The following CIAO3 variants were observed in gnomAD, a reference collection of about 807,000 sequenced individuals.
The protein encoded by CIAO3 is LET1 like/JFP15.
In CIAO3, 45 loss-of-function variants were observed where a neutral mutation model predicts 51.5. The observed-to-expected ratio is 0.87, with a 90% CI of 0.69 to 1.12. CIAO3 has a LOEUF of 1.12. CIAO3 is among the 50% of genes most tolerant of loss of function. The pLI, the probability that CIAO3 is intolerant of heterozygous loss-of-function variation, is 0.00. For missense variants in CIAO3, 668 were observed against 632.5 expected, an observed-to-expected ratio of 1.06 and a Z score of -0.60; for synonymous variants, 314 against 269.3, an observed-to-expected ratio of 1.17 and a Z score of -1.63.
chr16:729,771 A>G lies in CIAO3; in HGVS notation c.*646T>C. 7.6e-7 allele frequency: 1 copy of G among 1,313,474 alleles called. No homozygotes were observed. Among genetic ancestry groups the G allele is most frequent in the Non-Finnish European group, 9.9e-7 (1 of 1,006,090 alleles). The allele number at this position is 1,313,474 out of a possible 1,614,324, so 81.4% of individuals were successfully genotyped here. ...GGAGCTGTTTTCGTAGGCGTGTTTT[A>G]GGAGGGGTGCGTTTATTAGACAAAC... On this transcript the variant is annotated 3_prime_UTR_variant, in exon 11 of 11. Transcript: ENST00000251588.
chr16:731,918 G>A (rs563391899), intron 8 of CIAO3: 53 of 632,162 alleles, frequency 8.4e-5, no homozygotes, highest in African/African-American at 8.3e-4. Flanking sequence ...GCCCAGGCTG[G>A]AGTGCAGTGG....
At position 736,527 on chromosome 16, in the gene CIAO3, T is replaced by A; in HGVS notation, c.307-129A>T. The A allele has an allele frequency of 3.3e-6, 4 of 1,209,106 alleles. No individual in the cohort carries two copies. The South Asian group carries it at 4.5e-5, about 14-fold the overall frequency. 74.9% of individuals were successfully genotyped at this position (1,209,106 alleles called of 1,614,324 possible). ...CAGCTCCATCAAGAGTCTTTTTTTTTTTTTTAACACAGAGTCTCACTCTGT... is the reference window on the plus strand; with the variant it reads ...CAGCTCCATCAAGAGTCTTTTTTTTATTTTTAACACAGAGTCTCACTCTGT... On this transcript the variant is annotated intron_variant, in intron 3 of 10. Transcript: ENST00000251588.
In CIAO3 at chr16:737,656, C is replaced by A; in HGVS notation, c.163-327G>T. On this transcript the variant is annotated intron_variant, in intron 2 of 10. Transcript: ENST00000251588. The surrounding 1 kb of genome is among the most constrained non-coding windows in gnomAD (Gnocchi z 5.3). Reference sequence around the variant, plus strand: ...GACGGGGTGCTGGCCCCGGTGCACACTCACAGGGCTGTAGGGCAGGAAAAT... The same window carrying A: ...GACGGGGTGCTGGCCCCGGTGCACAATCACAGGGCTGTAGGGCAGGAAAAT... 1 of 1,338,818 alleles carries A rather than the reference C, an allele frequency of 7.5e-7. No homozygotes were observed. Among genetic ancestry groups the A allele is most frequent in the Non-Finnish European group, 9.8e-7 (1 of 1,021,890 alleles). The allele number at this position is 1,338,818 out of a possible 1,614,324, so 82.9% of individuals were successfully genotyped here.
chr16:729,829 G>T lies in CIAO3; in HGVS notation c.*588C>A. 2 of 767,228 alleles carry T rather than the reference G, an allele frequency of 2.6e-6. No individual in the cohort carries two copies. The highest frequency in any genetic ancestry group is 3.7e-6 in the Non-Finnish European group (2 of 542,208). 47.5% of individuals were successfully genotyped at this position (767,228 alleles called of 1,614,324 possible). A position where few individuals can be genotyped will look rare whatever the true frequency, so the allele number is the denominator to read the frequency against. ...GACAGGCCTGGTGGGGACCTGGCTG[G>T]GGGATGATGCAGCCCGCGATGGCTG... On this transcript the variant is annotated 3_prime_UTR_variant, in exon 11 of 11. Coordinates refer to ENST00000251588, the MANE Select transcript of CIAO3 (RefSeq NM_022493.3).
Position 737,214 on chromosome 16 carries a change from T to C in CIAO3, c.278A>G (p.Glu93Gly). 1.9e-6 allele frequency: 3 copies of C among 1,613,746 alleles called. No homozygotes were observed. Among genetic ancestry groups the C allele is most frequent in the Non-Finnish European group, 8.5e-7 (1 of 1,180,014 alleles). The change falls in exon 3 of 11, where the codon GAG becomes GGG. Residue 93 changes from glutamate to glycine, a missense_variant. By Grantham distance (98) the Glu-to-Gly change is moderately conservative (BLOSUM62 -2). Transcript: ENST00000251588. This position sits in a 1 kb window ranked among gnomAD's most constrained non-coding sequence, Gnocchi z 5.3. Reference protein sequence around the residue: ...TVLITQQSHEELKKVLDANKM... With the variant: ...TVLITQQSHEGLKKVLDANKM... ...GTTAGCATCTAGAACCTTCTTCAGC[T>C]CCTCGTGGCTCTGCTGGGTGATAAG... is the stretch of plus-strand genomic sequence containing the variant.
intron 2 of CIAO3, chr16:738,022 T>C (rs1382276859): frequency 1.8e-6 from 2 of 1,121,888 alleles, no homozygotes; most frequent in Non-Finnish European, 2.2e-6. Context: ...GTGGGAACTG[T>C]GTGGGAACCC....
rs1028756718 is a variant in CIAO3, at chr16:730,963, C to G, written c.1072G>C (p.Gly358Arg). ...ATTGCGAAGTGCAGCAGCACCTGGCCCTCCTTCTCCAGTGTCACCTCCTGG... is the reference window on the plus strand; with the variant it reads ...ATTGCGAAGTGCAGCAGCACCTGGCGCTCCTTCTCCAGTGTCACCTCCTGG... Reference protein sequence around the residue: ...DFQEVTLEKEGQVLLHFAMAY... With the variant: ...DFQEVTLEKERQVLLHFAMAY... Residue 358 changes from glycine to arginine, a missense_variant, in exon 10 of 11, where the codon GGC becomes CGC. Gly to Arg is a moderately radical substitution (Grantham distance 125). Coordinates refer to ENST00000251588, the MANE Select transcript of CIAO3 (RefSeq NM_022493.3). 1.2e-6 allele frequency: 2 copies of G among 1,612,868 alleles called. No individual in the cohort carries two copies. The highest frequency in any genetic ancestry group is 1.7e-6 in the Non-Finnish European group (2 of 1,179,996).
At chr16:734,480 C>G in intron 5 of CIAO3, 133 bp from the exon 6 acceptor site, 2 of 834,664 alleles carry the variant, frequency 2.4e-6, no homozygotes, top group Non-Finnish European at 1.9e-6. Context: ...GTGCTCATTC[C>G]TGTTCTCCCC....
chr16:737,085 C>T lies in CIAO3; in HGVS notation c.306+101G>A, dbSNP rs1056776950. The T allele has an allele frequency of 1.3e-5, 20 of 1,516,678 alleles. No homozygotes were observed. Among genetic ancestry groups the T allele is most frequent in the South Asian group, 1.2e-5 (1 of 86,324 alleles). The allele number at this position is 1,516,678 out of a possible 1,614,324, so 94.0% of individuals were successfully genotyped here. Reference sequence around the variant, plus strand: ...AAAAAGGCAGGCGCCACCCGCACGACGGACGTCGGCACCACACGAGCTGCC... The same window carrying T: ...AAAAAGGCAGGCGCCACCCGCACGATGGACGTCGGCACCACACGAGCTGCC... On this transcript the variant is annotated intron_variant, in intron 3 of 10. Coordinates refer to ENST00000251588, the MANE Select transcript of CIAO3 (RefSeq NM_022493.3). This position sits in a 1 kb window ranked among gnomAD's most constrained non-coding sequence, Gnocchi z 5.3.
chr16:738,347 T>TCC, intron 2 of CIAO3: 1 of 963,050 alleles, frequency 1.0e-6, no homozygotes, highest in Non-Finnish European at 1.2e-6. Context: ...TTTTAATAGT[T>TCC]TCTTTTTTTT....
Position 737,551 on chromosome 16 carries a change from T to G in CIAO3, c.163-222A>C, listed in dbSNP as rs1027364937. 2.7e-6 allele frequency: 4 copies of G among 1,499,016 alleles called. No individual in the cohort carries two copies. The African/African-American group carries it at 5.5e-5, about 21-fold the overall frequency. 92.9% of individuals were successfully genotyped at this position (1,499,016 alleles called of 1,614,324 possible). A position where few individuals can be genotyped will look rare whatever the true frequency, so the allele number is the denominator to read the frequency against. ...CTGCTTCTTGGTACCACTTGGTTAG[T>G]GCATCCGAATCACAGGACTAAGGCT... is the stretch of plus-strand genomic sequence containing the variant. On this transcript the variant is annotated intron_variant, in intron 2 of 10. Transcript: ENST00000251588. The surrounding 1 kb of genome is among the most constrained non-coding windows in gnomAD (Gnocchi z 5.3).
chr16:740,992 C>T lies in CIAO3; in HGVS notation c.-7G>A, dbSNP rs939333827. 8 of 1,497,686 alleles carry T rather than the reference C, an allele frequency of 5.3e-6. No individual in the cohort carries two copies. The highest frequency in any genetic ancestry group is 1.4e-5 in the African/African-American group (1 of 69,284). The allele number at this position is 1,497,686 out of a possible 1,614,324, so 92.8% of individuals were successfully genotyped here. A position where few individuals can be genotyped will look rare whatever the true frequency, so the allele number is the denominator to read the frequency against. ...CGCTGAAGGGCGACGCCATGACGGC[C>T]GCACTGCCGCCGCGCGCAGGTGTCG... On this transcript the variant is annotated 5_prime_UTR_variant, in exon 1 of 11. Coordinates refer to ENST00000251588, the MANE Select transcript of CIAO3 (RefSeq NM_022493.3).
chr16:738,295 T>C, intron 2 of CIAO3: 2 of 985,828 alleles, frequency 2.0e-6, no homozygotes, highest in Non-Finnish European at 2.4e-6. Flanking sequence ...GTTCATGAGA[T>C]CAGGCAGACG....
Position 731,597 on chromosome 16 carries a change from G to T in CIAO3, c.1002C>A (p.Ile334=). The change falls in exon 9 of 11, where the codon ATC becomes ATA. Residue 334 remains isoleucine (I), a synonymous_variant. Coordinates refer to ENST00000251588, the MANE Select transcript of CIAO3 (RefSeq NM_022493.3). ...GTTTGTAGGTAACCTCAGCCACATG[G>T]ATTCCAAAGAGCTCTCGGGCCGCGT... is the stretch of plus-strand genomic sequence containing the variant. The part of the protein sequence containing the change: ...FRHAARELFG[I]HVAEVTYKPL... 4.5e-6 allele frequency: 7 copies of T among 1,567,224 alleles called. No homozygotes were observed. The highest frequency in any genetic ancestry group is 6.1e-6 in the Non-Finnish European group (7 of 1,156,532).
In CIAO3 at chr16:739,745, C is replaced by A. The variant is rs2041373292; in HGVS notation, c.67-7G>T. ...TGACAGGCTTGATGCACTCCTAGAG[C>A]AGGAAGAGACCCCAAATCAGCCCCT... On this transcript the variant is annotated splice_region_variant and splice_polypyrimidine_tract_variant and intron_variant, in intron 1 of 10. Coordinates refer to ENST00000251588, the MANE Select transcript of CIAO3 (RefSeq NM_022493.3). 1.2e-6 allele frequency: 2 copies of A among 1,612,950 alleles called. No homozygotes were observed. Among genetic ancestry groups the A allele is most frequent in the African/African-American group, 2.7e-5 (2 of 74,912 alleles).
Position 729,810 on chromosome 16 carries a change from C to T in CIAO3, c.*607G>A, listed in dbSNP as rs955769791. ...TATTAGACAAACGCTGGGAGACAGG[C>T]CTGGTGGGGACCTGGCTGGGGGATG... On this transcript the variant is annotated 3_prime_UTR_variant, in exon 11 of 11. Transcript: ENST00000251588. The T allele has an allele frequency of 4.1e-6, 4 of 963,858 alleles. No homozygotes were observed. The African/African-American group carries it at 6.8e-5, about 16-fold the overall frequency. 59.7% of individuals were successfully genotyped at this position (963,858 alleles called of 1,614,324 possible). A position where few individuals can be genotyped will look rare whatever the true frequency, so the allele number is the denominator to read the frequency against.
chr16:733,275 A>G (rs1490465198), intron 7 of CIAO3, 23 bp downstream of exon 7: 1 of 1,611,730 alleles, frequency 6.2e-7, no homozygotes, highest in East Asian at 2.2e-5. Context: ...TTGAGGGCTC[A>G]GGGCCGCACG....
chr16:737,774 G>T lies in CIAO3; in HGVS notation c.163-445C>A. ...AGGAAGAGGAGAGCAGAGGGAGGAA[G>T]CCTGGGAGCCTGGCCTCCGGTGGGC... On this transcript the variant is annotated intron_variant, in intron 2 of 10. Coordinates refer to ENST00000251588, the MANE Select transcript of CIAO3 (RefSeq NM_022493.3). This position sits in a 1 kb window ranked among gnomAD's most constrained non-coding sequence, Gnocchi z 5.3. 8.2e-7 allele frequency: 1 copy of T among 1,218,424 alleles called. No individual in the cohort carries two copies. Among genetic ancestry groups the T allele is most frequent in the Admixed American group, 3.1e-5 (1 of 32,652 alleles). 75.5% of individuals were successfully genotyped at this position (1,218,424 alleles called of 1,614,324 possible). A position where few individuals can be genotyped will look rare whatever the true frequency, so the allele number is the denominator to read the frequency against.
intron 5 of CIAO3, 191 bp downstream of exon 5, chr16:734,546 G>A: frequency 9.3e-7 from 1 of 1,070,388 alleles, no homozygotes. Context: ...TGAGGTGACT[G>A]CGCGTGGCTC....
Sources: allele counts gnomAD v4.1 joint callset, GRCh38; gene constraint gnomAD v4.1.1; non-coding constraint Gnocchi (gnomAD v3.1); transcripts MANE v1.5; gene names NCBI Gene and HGNC (gene_info 2026-07-23, HGNC 2026-07-21).